CMC2: variants seen among roughly 807,000 people sequenced by gnomAD.
The protein encoded by CMC2 is C-X9-C motif containing 2.
CMC2 carries 5 observed loss-of-function variants against 7.5 expected under a neutral mutation model. The ratio of observed to expected loss-of-function variants is 0.66; its 90% CI spans 0.35 to 1.40. The LOEUF (loss-of-function observed/expected upper bound fraction) is 1.40. Among genes scored for constraint, CMC2 ranks in the 40% most tolerant of loss-of-function variants. CMC2 has a pLI of 0.04. For missense variants in CMC2, 115 were observed against 92.3 expected, an observed-to-expected ratio of 1.25 and a Z score of -1.01; for synonymous variants, 37 against 31.4, an observed-to-expected ratio of 1.18 and a Z score of -0.60.
At chr16:80,978,397 A>G (rs550929153) in intron 3 of CMC2, 1 of 1,265,942 alleles carries the variant, frequency 7.9e-7, no homozygotes, top group Non-Finnish European at 1.0e-6. Context: ...GACATCTCCA[A>G]AGGAAGTCCA....
At chr16:81,000,898 A>T (rs1435574866) in intron 1 of CMC2, among the ~76,000 whole-genome samples, 1 of 152,246 alleles carries the variant, frequency 6.6e-6, no homozygotes, top group East Asian at 1.9e-4. Flanking sequence ...ATGCACTCAT[A>T]AGTTCTTTGT....
chr16:80,995,966 A>G (rs1480733503), intron 2 of CMC2, among the ~76,000 whole-genome samples: 1 of 152,166 alleles, frequency 6.6e-6, no homozygotes, highest in Non-Finnish European at 1.5e-5. Context: ...AGTTCCAGTG[A>G]TTCAAGAAGC....
intron 2 of CMC2, among the ~76,000 whole-genome samples, chr16:80,988,030 T>C (rs1456562269): frequency 8.0e-5 from 12 of 149,262 alleles, no homozygotes; most frequent in African/African-American, 2.0e-4. Context: ...AAAAAAAAAA[T>C]TGAATTAGCC....
Position 80,979,767 on chromosome 16 carries a change from C to A in CMC2, c.153+2039G>T, listed in dbSNP as rs1448430791. Among the ~76,000 whole-genome samples, 3 of 150,208 alleles carry A rather than the reference C, an allele frequency of 2.0e-5. No individual in the cohort carries two copies. The East Asian group carries it at 6.0e-4, about 30-fold the overall frequency. ...TCCCGAGTAGCTGGAACTACAGGCGCCCGCCACCATGCCTGGCTAATTTTT... is the reference window on the plus strand; with the variant it reads ...TCCCGAGTAGCTGGAACTACAGGCGACCGCCACCATGCCTGGCTAATTTTT... On this transcript the variant is annotated intron_variant, in intron 3 of 3. Coordinates refer to ENST00000219400, the MANE Select transcript of CMC2 (RefSeq NM_020188.5).
At chr16:80,984,629 G>A (rs1597229017) in intron 2 of CMC2, among the ~76,000 whole-genome samples, 1 of 151,554 alleles carries the variant, frequency 6.6e-6, no homozygotes, top group Middle Eastern at 3.4e-3. Context: ...AATATTTCCT[G>A]TGTATTTTAC....
intron 2 of CMC2, among the ~76,000 whole-genome samples, chr16:80,988,863 A>T (rs1010929983): frequency 6.6e-6 from 1 of 151,950 alleles, no homozygotes; most frequent in African/African-American, 2.4e-5. Context: ...TATTTGAAAC[A>T]GCTTGTCTCT....
chr16:80,978,468 C>A, intron 3 of CMC2: 1 of 951,686 alleles, frequency 1.1e-6, no homozygotes, highest in Non-Finnish European at 1.4e-6. Context: ...AAAACTCAAT[C>A]AAACAATACA....
chr16:80,979,456 C>A (rs566504392), intron 3 of CMC2, among the ~76,000 whole-genome samples: 20 of 151,824 alleles, frequency 1.3e-4, no homozygotes, highest in African/African-American at 4.8e-4. Flanking sequence ...ATTGACAAAG[C>A]AGTGGCAAAA....
rs1912189099 is a variant in CMC2, at chr16:80,975,168, A to G, written c.*925T>C. The G allele has an allele frequency of 6.6e-6, 1 of 152,266 alleles. No individual in the cohort carries two copies. Among genetic ancestry groups the G allele is most frequent in the Non-Finnish European group, 1.5e-5 (1 of 68,058 alleles). 9.4% of individuals were successfully genotyped at this position (152,266 alleles called of 1,614,324 possible). A position where few individuals can be genotyped will look rare whatever the true frequency, so the allele number is the denominator to read the frequency against. On this transcript the variant is annotated 3_prime_UTR_variant, in exon 4 of 4. Transcript: ENST00000219400. ...AATTGGGCACGGGAAGAACAGTCCT[A>G]TACTCAGCAGAGAGGAGACACACTG...
chr16:81,002,327 G>A (rs772943842), intron 1 of CMC2, among the ~76,000 whole-genome samples: 33 of 152,138 alleles, frequency 2.2e-4, no homozygotes, highest in Non-Finnish European at 3.5e-4. Context: ...TTGGGAGGCC[G>A]AAGCAGGAGA....
At chr16:80,988,745 G>T in intron 2 of CMC2, 2 of 529,090 alleles carry the variant, frequency 3.8e-6, no homozygotes, top group Admixed American at 3.6e-5. Flanking sequence ...AAAAAAAGTT[G>T]GGTGGGTTTT....
At chr16:80,989,578 G>C (rs535395154) in intron 2 of CMC2, among the ~76,000 whole-genome samples, 1 of 152,208 alleles carries the variant, frequency 6.6e-6, no homozygotes, top group Admixed American at 6.5e-5. Flanking sequence ...ATTTCTCCAA[G>C]GATCCCTGTT....
In CMC2 at chr16:80,975,967, T is replaced by A; in HGVS notation, c.*126A>T. 1.5e-6 allele frequency: 1 copy of A among 659,358 alleles called. No homozygotes were observed. The highest frequency in any genetic ancestry group is 1.7e-5 in the South Asian group (1 of 59,508). 40.8% of individuals were successfully genotyped at this position (659,358 alleles called of 1,614,324 possible). On this transcript the variant is annotated 3_prime_UTR_variant, in exon 4 of 4. Transcript: ENST00000219400. ...CCAGGGTTTTCATATTTCTCCATGG[T>A]TCAATCTCTCACAGGTCACTTTCCA...
At chr16:80,991,654 G>A (rs572253849) in intron 2 of CMC2, 66 of 204,224 alleles carry the variant, frequency 3.2e-4, no homozygotes, top group East Asian at 7.6e-4. Flanking sequence ...AAAAAAAAAG[G>A]TACAGAAACC....
At chr16:80,978,350 A>T (rs1465163057) in intron 3 of CMC2, 1 of 1,267,606 alleles carries the variant, frequency 7.9e-7, no homozygotes, top group African/African-American at 1.6e-5. Context: ...TAAGTTACAA[A>T]GCAAATTAAA....
At chr16:80,993,150 A>T (rs866630773) in intron 2 of CMC2, among the ~76,000 whole-genome samples, 12 of 152,226 alleles carry the variant, frequency 7.9e-5, no homozygotes, top group African/African-American at 2.9e-4. Context: ...CTATTTACTT[A>T]AAAATCTATT....
intron 1 of CMC2, among the ~76,000 whole-genome samples, chr16:81,004,798 T>C (rs1969128944): frequency 6.6e-6 from 1 of 152,212 alleles, no homozygotes; most frequent in South Asian, 2.1e-4. Context: ...TCAAGAGTAG[T>C]CTAAGACAGA....
At chr16:81,004,635 C>G (rs977419897) in intron 1 of CMC2, among the ~76,000 whole-genome samples, 15 of 152,208 alleles carry the variant, frequency 9.9e-5, no homozygotes, top group African/African-American at 3.6e-4. Flanking sequence ...TGATAGCTAG[C>G]TAAGGGGCCC....
intron 2 of CMC2, among the ~76,000 whole-genome samples, chr16:80,984,430 C>A (rs1967367057): frequency 6.6e-6 from 1 of 152,180 alleles, no homozygotes; most frequent in African/African-American, 2.4e-5. Flanking sequence ...TGCTTCACCA[C>A]CATTTTAAAC....
Sources: gnomAD v4.1 joint callset for allele counts (sites outside exome capture counted in the v4.1 genomes callset) on GRCh38, gnomAD v4.1.1 for gene constraint, MANE v1.5 for transcripts, NCBI Gene and HGNC (gene_info 2026-07-23, HGNC 2026-07-21) for gene names.